Variants in PPFIBP2 observed in about 807,000 individuals in gnomAD.
PPFIBP2 encodes PPFIB scaffold protein 2.
Under a neutral mutation model 118.3 loss-of-function variants are expected in PPFIBP2, and 118 were observed. That is an observed-to-expected ratio of 1.00 (90% CI 0.86 to 1.16). The LOEUF is 1.16. Ranked by LOEUF, PPFIBP2 falls within the 50% of genes most tolerant of loss-of-function variation. PPFIBP2 has a pLI of 0.00. For synonymous variants in PPFIBP2, 414 were observed against 397.4 expected (o/e 1.04, Z -0.50); for missense variants, 1,195 against 1,073.1 (o/e 1.11, Z -1.59).
chr11:7,571,021 C>T (rs12419297), intron 3 of PPFIBP2, among the ~76,000 whole-genome samples: 25,244 of 152,138 alleles, frequency 0.17, 2,101 homozygotes, highest in African/African-American at 0.18. Flanking sequence ...CAGTTTACTG[C>T]TGCCCTTATG....
At position 7,641,634 on chromosome 11, in the gene PPFIBP2, G is replaced by A. The variant is rs778545995; in HGVS notation, c.1517+14G>A. On this transcript the variant is annotated intron_variant, in intron 16 of 23. Coordinates refer to ENST00000299492, the MANE Select transcript of PPFIBP2 (RefSeq NM_003621.5). ...GTTCTGGGGAAAGTAAGTTGGTGCCGTTGATCCTAATTATATTGCTTAGAA... is the reference window on the plus strand; with the variant it reads ...GTTCTGGGGAAAGTAAGTTGGTGCCATTGATCCTAATTATATTGCTTAGAA... 1.4e-5 allele frequency: 23 copies of A among 1,612,476 alleles called. No individual in the cohort carries two copies. Among genetic ancestry groups the A allele is most frequent in the African/African-American group, 5.3e-5 (4 of 74,872 alleles).
rs1565130499 is a variant in PPFIBP2 at position 7,651,705 on chromosome 11, T to TA, written c.2297_2298insA (p.Gln769ThrfsTer22). ...GACACCCTGGCTATGCTTCTCAACA[T>TA]CCCCCCACAAAAGACGCTCCTCAGG... On this transcript the variant is annotated frameshift_variant, in exon 23 of 24. Transcript: ENST00000299492. LOFTEE classifies it high-confidence loss of function. The TA allele has an allele frequency of 6.2e-7, 1 of 1,612,964 alleles. No homozygotes were observed. Among genetic ancestry groups the TA allele is most frequent in the Admixed American group, 1.7e-5 (1 of 59,954 alleles).
downstream of PPFIBP2, among the ~76,000 whole-genome samples, chr11:7,660,902 C>G (rs1190619075): frequency 6.6e-6 from 1 of 151,854 alleles, no homozygotes; most frequent in Non-Finnish European, 1.5e-5. Flanking sequence ...AGGAATTTAT[C>G]CATTTCTTCT....
chr11:7,636,163 A>G (rs1039237773), intron 14 of PPFIBP2, among the ~76,000 whole-genome samples: 1 of 152,202 alleles, frequency 6.6e-6, no homozygotes, highest in South Asian at 2.1e-4. Context: ...ATAACATTAT[A>G]TGGAAAATGT....
chr11:7,583,411 G>A lies in PPFIBP2; in HGVS notation c.280-9721G>A, dbSNP rs372317227. ...CAGCGCCCACTCCACCCTAACTGTA[G>A]CACCCAGTCCTGCTGCACTGTCTCT... On this transcript the variant is annotated intron_variant, in intron 3 of 23. Coordinates refer to ENST00000299492, the MANE Select transcript of PPFIBP2 (RefSeq NM_003621.5). 5.3e-5 allele frequency among the ~76,000 whole-genome samples: 8 copies of A among 152,124 alleles called. No homozygotes were observed. The East Asian group carries it at 5.8e-4, about 11-fold the overall frequency.
chr11:7,621,477 C>T (rs773285923), intron 7 of PPFIBP2, among the ~76,000 whole-genome samples: 1 of 152,148 alleles, frequency 6.6e-6, no homozygotes, highest in African/African-American at 2.4e-5. Context: ...GCATAAACTT[C>T]GAATTATTTC....
At position 7,629,444 on chromosome 11, in the gene PPFIBP2, C is replaced by T. The variant is rs1850463584; in HGVS notation, c.889-15C>T. The T allele has an allele frequency of 1.9e-6, 3 of 1,612,324 alleles. No homozygotes were observed. The highest frequency in any genetic ancestry group is 2.5e-6 in the Non-Finnish European group (3 of 1,178,334). On this transcript the variant is annotated splice_polypyrimidine_tract_variant and intron_variant, in intron 9 of 23. Coordinates refer to ENST00000299492, the MANE Select transcript of PPFIBP2 (RefSeq NM_003621.5). ...AGCATAGCATTAATCTAAATCTCTA[C>T]TTGCACTATGGCAGGACCGTCGGAT...
At chr11:7,568,601 G>A (rs752750496) in intron 3 of PPFIBP2, among the ~76,000 whole-genome samples, 4 of 152,194 alleles carry the variant, frequency 2.6e-5, no homozygotes, top group Non-Finnish European at 2.9e-5. Context: ...ACTTCCACCT[G>A]CCATAGAGGG....
Position 7,527,004 on chromosome 11 carries a change from CAG to C in PPFIBP2, c.-37+12884_-37+12885del, listed in dbSNP as rs780158712. Among the ~76,000 whole-genome samples the C allele has an allele frequency of 3.9e-5, 6 of 151,918 alleles. No homozygotes were observed. The East Asian group carries it at 1.2e-3, about 30-fold the overall frequency. ...GAGAACCAGGGTATGTGGTGTGAGA[CAG>C]CTGGGTTCACAGCATCCTAGAGGGC... On this transcript the variant is annotated intron_variant, in intron 1 of 23. Coordinates refer to ENST00000299492, the MANE Select transcript of PPFIBP2 (RefSeq NM_003621.5).
intron 3 of PPFIBP2, among the ~76,000 whole-genome samples, chr11:7,581,611 A>T (rs1055597904): frequency 6.6e-6 from 1 of 151,914 alleles, no homozygotes; most frequent in Non-Finnish European, 1.5e-5. Flanking sequence ...CTCACTCCAG[A>T]CACTGACTTG....
In PPFIBP2 at chr11:7,632,886, C is replaced by CTCCTACA. The variant is rs1850960726; in HGVS notation, c.1089_1095dup (p.Val366SerfsTer24). On this transcript the variant is annotated frameshift_variant, in exon 12 of 24. Transcript: ENST00000299492. LOFTEE classifies it high-confidence loss of function. ...GTGCAGATGCCTCCAAGATGTAGCT[C>CTCCTACA]TCCTACAGTGGGGCCACCTCCATTG... 2 of 1,613,768 alleles carry CTCCTACA rather than the reference C, an allele frequency of 1.2e-6. No individual in the cohort carries two copies. The highest frequency in any genetic ancestry group is 2.7e-5 in the African/African-American group (2 of 74,922).
intron 2 of PPFIBP2, among the ~76,000 whole-genome samples, 172 bp downstream of exon 2, chr11:7,549,711 T>G (rs1852748647): frequency 6.6e-6 from 1 of 151,942 alleles, no homozygotes; most frequent in Non-Finnish European, 1.5e-5. Context: ...TGATACGAAC[T>G]TATACAACTC....
chr11:7,590,353 T>A lies in PPFIBP2; in HGVS notation c.280-2779T>A, dbSNP rs557393027. 9.2e-5 allele frequency among the ~76,000 whole-genome samples: 14 copies of A among 152,312 alleles called. No individual in the cohort carries two copies. The South Asian group carries it at 2.5e-3, about 27-fold the overall frequency. ...TGGAACATTATCTTTCACTGCTGTTTACCTTTAAAAAGCTTGCTGGAGAAC... is the reference window on the plus strand; with the variant it reads ...TGGAACATTATCTTTCACTGCTGTTAACCTTTAAAAAGCTTGCTGGAGAAC... On this transcript the variant is annotated intron_variant, in intron 3 of 23. Coordinates refer to ENST00000299492, the MANE Select transcript of PPFIBP2 (RefSeq NM_003621.5).
At chr11:7,564,425 CATA>C (rs1168743687) in intron 2 of PPFIBP2, among the ~76,000 whole-genome samples, 1 of 152,086 alleles carries the variant, frequency 6.6e-6, no homozygotes, top group Non-Finnish European at 1.5e-5. Context: ...TATGGATATA[CATA>C]ATAATAATGC....
At chr11:7,522,203 C>T (rs555435103) in intron 1 of PPFIBP2, among the ~76,000 whole-genome samples, 13 of 152,080 alleles carry the variant, frequency 8.5e-5, no homozygotes, top group African/African-American at 3.1e-4. Flanking sequence ...GGAGCAGAGG[C>T]AAGTGACCAT....
chr11:7,538,797 C>T (rs543769610), intron 1 of PPFIBP2, among the ~76,000 whole-genome samples: 209 of 152,160 alleles, frequency 1.4e-3, no homozygotes, highest in Non-Finnish European at 2.5e-3. Flanking sequence ...TTGCATTCAT[C>T]CCCTGCCACC....
intron 17 of PPFIBP2, among the ~76,000 whole-genome samples, chr11:7,644,982 C>G (rs372371248): frequency 5.3e-5 from 7 of 133,090 alleles, no homozygotes; most frequent in Admixed American, 8.6e-5. Flanking sequence ...AGCCGAGATC[C>G]CGCCACTGCA....
chr11:7,654,848 A>G (rs1854537088), downstream of PPFIBP2, among the ~76,000 whole-genome samples: 1 of 152,072 alleles, frequency 6.6e-6, no homozygotes, highest in African/African-American at 2.4e-5. Flanking sequence ...TTGTTTTCCT[A>G]CCTATAAAAC....
rs1171158094 is a variant in PPFIBP2 at position 7,628,353 on chromosome 11, T to C, written c.888+7T>C. 1 of 1,613,494 alleles carries C rather than the reference T, an allele frequency of 6.2e-7. No individual in the cohort carries two copies. Among genetic ancestry groups the C allele is most frequent in the Non-Finnish European group, 8.5e-7 (1 of 1,179,498 alleles). ...GCTTGCCAATGAAGATAAGGTAAGATGGTCATTGGGTAGCCCTGTCTTTTC... is the reference window on the plus strand; with the variant it reads ...GCTTGCCAATGAAGATAAGGTAAGACGGTCATTGGGTAGCCCTGTCTTTTC... On this transcript the variant is annotated splice_region_variant and intron_variant, in intron 9 of 23. Transcript: ENST00000299492.
Sources: allele counts gnomAD v4.1 joint callset (sites outside exome capture counted in the v4.1 genomes callset), GRCh38; gene constraint gnomAD v4.1.1; transcripts MANE v1.5; gene names NCBI Gene and HGNC (gene_info 2026-07-23, HGNC 2026-07-21).